The following IL12RB2 variants were observed in gnomAD, a reference collection of about 807,000 sequenced individuals.
IL12RB2 encodes the protein interleukin-12 receptor subunit beta-2.
Under a neutral mutation model 89.4 loss-of-function variants are expected in IL12RB2, and 82 were observed. That is an observed-to-expected ratio of 0.92 (90% CI 0.77 to 1.10). The LOEUF (loss-of-function observed/expected upper bound fraction) is 1.10. IL12RB2 is among the 50% of genes least tolerant of loss of function. The pLI is 0.00. For missense variants in IL12RB2, 963 were observed against 1,031.9 expected (o/e 0.93, Z 0.92); for synonymous variants, 368 against 370.1 (o/e 0.99, Z 0.07).
intron 14 of IL12RB2, among the ~76,000 whole-genome samples, chr1:67,384,487 GC>G (rs1192462055): frequency 6.6e-6 from 1 of 152,218 alleles, no homozygotes; most frequent in Non-Finnish European, 1.5e-5. Context: ...GATGGGAGGG[GC>G]TGTCATGAAG....
intron 13 of IL12RB2, among the ~76,000 whole-genome samples, chr1:67,377,617 T>C (rs1377968288): frequency 2.6e-5 from 4 of 152,078 alleles, no homozygotes; most frequent in Non-Finnish European, 5.9e-5. Context: ...CTTTCACATG[T>C]AAAATGTAGA....
chr1:67,395,695 G>C lies in IL12RB2; in HGVS notation c.2195G>C (p.Gly732Ala), dbSNP rs1343980114. ...PCSNWPQREK[G>A]IQGHQASEKD... is the part of the protein sequence containing the mutation. ...TCCAACTGGCCACAAAGGGAAAAAG[G>C]AATCCAAGGTCATCAGGCCTCTGAG... The change falls in exon 17 of 17, where the codon GGA (glycine) becomes GCA (alanine). Residue 732 changes from glycine (G) to alanine (A), a missense_variant. Coordinates refer to ENST00000674203, the MANE Select transcript of IL12RB2 (RefSeq NM_001374259.2). 2.5e-6 allele frequency: 4 copies of C among 1,614,176 alleles called. No homozygotes were observed.
At chr1:67,372,294 T>C (rs1663452908) in intron 11 of IL12RB2, 142 bp from the exon 12 acceptor site, 1 of 709,282 alleles carries the variant, frequency 1.4e-6, no homozygotes. Flanking sequence ...AGGTCATCAG[T>C]CCAGACTGTG....
chr1:67,377,491 A>G (rs1232035105), intron 13 of IL12RB2, among the ~76,000 whole-genome samples: 1 of 152,178 alleles, frequency 6.6e-6, no homozygotes, highest in Admixed American at 6.5e-5. Context: ...TCATGCAAAA[A>G]CTGCCTTTCT....
chr1:67,351,034 TTCAAAAGGCAGTTC>T lies in IL12RB2; in HGVS notation c.1206_1219del (p.Lys403AlafsTer5). ...GGGCTGTGGCTGTGTCTGCAGCAAA[TTCAAAAGGCAGTTC>T]TCTGCCCACTCGTATTAACATAATG... On this transcript the variant is annotated frameshift_variant, in exon 10 of 17. Transcript: ENST00000674203. LOFTEE classifies it high-confidence loss of function. The T allele has an allele frequency of 1.2e-6, 2 of 1,613,884 alleles. No homozygotes were observed. Among genetic ancestry groups the T allele is most frequent in the Non-Finnish European group, 1.7e-6 (2 of 1,179,988 alleles).
rs200863157 is a variant in IL12RB2 at position 67,395,838 on chromosome 1, G to A, written c.2338G>A (p.Glu780Lys). Residue 780 changes from glutamate to lysine, a missense_variant, in exon 17 of 17, where the codon GAA becomes AAA. Transcript: ENST00000674203. ...LESRGSDPKPENPACPWTVLP... is the reference protein window; with the variant it reads ...LESRGSDPKPKNPACPWTVLP... ...GAGCAGGGGCTCCGACCCAAAGCCCGAAAACCCAGCCTGTCCCTGGACGGT... is the reference window on the plus strand; with the variant it reads ...GAGCAGGGGCTCCGACCCAAAGCCCAAAAACCCAGCCTGTCCCTGGACGGT... 102 of 1,611,028 alleles carry A rather than the reference G, an allele frequency of 6.3e-5. 1 individual carries two copies. In the East Asian group the frequency reaches 1.9e-3, roughly 29 times the overall value.
intron 13 of IL12RB2, among the ~76,000 whole-genome samples, chr1:67,379,638 G>A (rs1664369228): frequency 6.6e-6 from 1 of 151,172 alleles, no homozygotes; most frequent in African/African-American, 2.4e-5. Context: ...AATAAAGGGA[G>A]TTAACTTTAG....
chr1:67,389,331 T>C (rs1260853469), intron 15 of IL12RB2, among the ~76,000 whole-genome samples: 1 of 110,982 alleles, frequency 9.0e-6, no homozygotes, highest in Non-Finnish European at 2.2e-5. Flanking sequence ...TTGTAAAGCA[T>C]ACTTTTAAAA....
rs572505092 is a variant in IL12RB2, at chr1:67,338,336, C to CA, written c.959-251dup. 1.1e-3 allele frequency among the ~76,000 whole-genome samples: 44 copies of CA among 40,108 alleles called. 6 individuals carry two copies. The highest frequency in any genetic ancestry group is 2.1e-3 in the African/African-American group (30 of 14,438). 26.3% of individuals were successfully genotyped at this position (40,108 alleles called of 152,430 possible). A position where few individuals can be genotyped will look rare whatever the true frequency, so the allele number is the denominator to read the frequency against. On this transcript the variant is annotated intron_variant, in intron 8 of 16. Coordinates refer to ENST00000674203, the MANE Select transcript of IL12RB2 (RefSeq NM_001374259.2). Reference sequence around the variant, plus strand: ...GAGGCAACAGAGCAAGATCCTGTCTCAAAAAAAAAAAAAAAAAAAAAAAAA... The same window carrying CA: ...GAGGCAACAGAGCAAGATCCTGTCTCAAAAAAAAAAAAAAAAAAAAAAAAAA...
chr1:67,322,720 G>T (rs899196317), intron 4 of IL12RB2, among the ~76,000 whole-genome samples: 1 of 152,176 alleles, frequency 6.6e-6, no homozygotes, highest in Non-Finnish European at 1.5e-5. Flanking sequence ...CACCTGACGG[G>T]GGCTCAGTTT....
At chr1:67,375,417 A>G (rs969499438) in intron 13 of IL12RB2, among the ~76,000 whole-genome samples, 5 of 152,178 alleles carry the variant, frequency 3.3e-5, no homozygotes, top group African/African-American at 1.2e-4. Context: ...ATAAAAAGGA[A>G]AAGTACACAA....
chr1:67,338,254 G>A (rs1015047799), intron 8 of IL12RB2, among the ~76,000 whole-genome samples: 3 of 149,562 alleles, frequency 2.0e-5, no homozygotes, highest in Non-Finnish European at 4.4e-5. Flanking sequence ...GCTTGAGCCT[G>A]GGAGGTGGAG....
At chr1:67,345,297 C>T (rs7518845) in intron 9 of IL12RB2, among the ~76,000 whole-genome samples, 4 of 152,100 alleles carry the variant, frequency 2.6e-5, no homozygotes, top group East Asian at 3.9e-4. Flanking sequence ...ATGGAAAGAA[C>T]GAGAAGATAG....
chr1:67,364,336 A>G (rs897552225), intron 10 of IL12RB2, among the ~76,000 whole-genome samples: 1 of 152,216 alleles, frequency 6.6e-6, no homozygotes, highest in Non-Finnish European at 1.5e-5. Context: ...GGCTGCAGTA[A>G]GCCAAGATTG....
At chr1:67,367,499 G>A (rs951711832) in intron 10 of IL12RB2, among the ~76,000 whole-genome samples, 128 of 137,368 alleles carry the variant, frequency 9.3e-4, no homozygotes, top group African/African-American at 3.2e-3. Context: ...AAAGAAGGAA[G>A]GAAAGAAGGA....
At chr1:67,330,457 A>G (rs950858931) in intron 7 of IL12RB2, among the ~76,000 whole-genome samples, 1 of 152,058 alleles carries the variant, frequency 6.6e-6, no homozygotes, top group Non-Finnish European at 1.5e-5. Flanking sequence ...ATTTTGTTTT[A>G]TTTTTAATGA....
intron 2 of IL12RB2, among the ~76,000 whole-genome samples, chr1:67,317,530 C>G (rs1259537824): frequency 5.3e-5 from 8 of 152,142 alleles, no homozygotes; most frequent in African/African-American, 1.9e-4. Flanking sequence ...TTTAAGGGCT[C>G]CTGTGACTAT....
intron 10 of IL12RB2, among the ~76,000 whole-genome samples, chr1:67,358,815 T>C (rs1661675818): frequency 6.6e-6 from 1 of 152,092 alleles, no homozygotes; most frequent in Non-Finnish European, 1.5e-5. Context: ...GGCACAAAAA[T>C]ATTTTTAAAT....
intron 10 of IL12RB2, among the ~76,000 whole-genome samples, chr1:67,366,484 T>C (rs566396630): frequency 8.7e-6 from 1 of 114,738 alleles, no homozygotes; most frequent in Non-Finnish European, 1.9e-5. Context: ...AGAAGAGAAA[T>C]CAGAAAAATG....
Sources: gnomAD v4.1 joint callset for allele counts (sites outside exome capture counted in the v4.1 genomes callset) on GRCh38, gnomAD v4.1.1 for gene constraint, MANE v1.5 for transcripts, NCBI Gene and HGNC (gene_info 2026-07-23, HGNC 2026-07-21) for gene names.